Variants in IPO7 observed in about 807,000 individuals in gnomAD.
The protein encoded by IPO7 is importin 7.
IPO7 carries 13 observed loss-of-function variants against 136.4 expected under a neutral mutation model. The ratio of observed to expected loss-of-function variants is 0.10; its 90% CI spans 0.06 to 0.15. The LOEUF (loss-of-function observed/expected upper bound fraction) is 0.15. Ranked by LOEUF, IPO7 falls within the 10% of genes least tolerant of loss-of-function variation. The pLI, the probability that IPO7 is intolerant of heterozygous loss-of-function variation, is 1.00. For missense variants in IPO7, 857 were observed against 1,240.6 expected (o/e 0.69, Z 4.65); for synonymous variants, 403 against 404.4 (o/e 1.00, Z 0.04).
At chr11:9,425,672 G>A (rs1855194054) in intron 12 of IPO7, among the ~76,000 whole-genome samples, 1 of 151,906 alleles carries the variant, frequency 6.6e-6, no homozygotes, top group South Asian at 2.1e-4. Context: ...TCAGGAGATC[G>A]AGACCATCCT....
intron 1 of IPO7, among the ~76,000 whole-genome samples, chr11:9,401,502 C>G (rs1854795263): frequency 1.3e-5 from 2 of 150,988 alleles, no homozygotes; most frequent in Non-Finnish European, 2.9e-5. Flanking sequence ...TAGGACCAGC[C>G]TGGGCAACAT....
intron 6 of IPO7, among the ~76,000 whole-genome samples, chr11:9,418,499 A>G (rs993131089): frequency 1.2e-4 from 19 of 152,218 alleles, no homozygotes; most frequent in Non-Finnish European, 1.9e-4. Flanking sequence ...TGTTAATCGC[A>G]TAAGTGAGAC....
intron 1 of IPO7, among the ~76,000 whole-genome samples, chr11:9,387,686 C>T (rs1854570524): frequency 6.6e-6 from 1 of 151,770 alleles, no homozygotes; most frequent in South Asian, 2.1e-4. Flanking sequence ...ACAAAATTAG[C>T]TGGGCGCGGT....
chr11:9,422,417 T>G (rs1855146572), intron 8 of IPO7, among the ~76,000 whole-genome samples: 2 of 152,044 alleles, frequency 1.3e-5, no homozygotes, highest in African/African-American at 4.8e-5. Context: ...TGTTTTTTTT[T>G]TTAAAAAAAG....
intron 22 of IPO7, among the ~76,000 whole-genome samples, chr11:9,439,262 C>T (rs1174153943): frequency 4.6e-5 from 7 of 151,838 alleles, no homozygotes; most frequent in African/African-American, 1.7e-4. Context: ...ATTATAGGCA[C>T]GTGCCACCAT....
At chr11:9,413,679 C>T (rs999916055) in intron 4 of IPO7, among the ~76,000 whole-genome samples, 1 of 151,466 alleles carries the variant, frequency 6.6e-6, no homozygotes, top group African/African-American at 2.4e-5. Flanking sequence ...AGATTTTTGA[C>T]CTCATAATAC....
intron 1 of IPO7, among the ~76,000 whole-genome samples, chr11:9,398,236 C>T (rs145897416): frequency 1.3e-5 from 2 of 152,280 alleles, no homozygotes; most frequent in Non-Finnish European, 2.9e-5. Flanking sequence ...TTAAATGCCA[C>T]GTGTCATATG....
intron 1 of IPO7, among the ~76,000 whole-genome samples, chr11:9,392,946 C>CAAAAAA (rs34911529): frequency 1.0e-5 from 1 of 100,278 alleles, no homozygotes; most frequent in African/African-American, 3.5e-5. Flanking sequence ...GACTCTGTCT[C>CAAAAAA]AAAAAAAAAA....
At chr11:9,395,001 C>T (rs1235348176) in intron 1 of IPO7, among the ~76,000 whole-genome samples, 2 of 152,106 alleles carry the variant, frequency 1.3e-5, no homozygotes, top group African/African-American at 4.8e-5. Context: ...TTTGGTGCTT[C>T]AGTTCTATGC....
intron 22 of IPO7, among the ~76,000 whole-genome samples, chr11:9,438,630 A>T (rs565295902): frequency 2.0e-4 from 30 of 150,982 alleles, no homozygotes; most frequent in South Asian, 8.4e-4. Flanking sequence ...ATCTCAGATT[A>T]AAAAAAAATA....
At position 9,440,464 on chromosome 11, in the gene IPO7, G is replaced by C; in HGVS notation, c.2705G>C (p.Gly902Ala). The change falls in exon 23 of 25, where the codon GGG becomes GCG. Residue 902 changes from glycine to alanine, a missense_variant. Around this residue, in one of 11 missense-constraint regions of IPO7, gnomAD observed 119 missense variants for 155.5 expected, o/e 0.77. Coordinates refer to ENST00000379719, the MANE Select transcript of IPO7 (RefSeq NM_006391.3). ...TATTATGACTTGGCAGAGGAACTGGGGAGTGATGAAGATGATATTGATGAA... is the reference window on the plus strand; with the variant it reads ...TATTATGACTTGGCAGAGGAACTGGCGAGTGATGAAGATGATATTGATGAA... ...AEDDDETEEL[G>A]SDEDDIDEDG... is the part of the protein sequence containing the mutation. The C allele has an allele frequency of 6.2e-7, 1 of 1,612,944 alleles. No homozygotes were observed. The highest frequency in any genetic ancestry group is 8.5e-7 in the Non-Finnish European group (1 of 1,179,014).
intron 16 of IPO7, among the ~76,000 whole-genome samples, chr11:9,432,884 C>T (rs189029642): frequency 8.7e-4 from 132 of 151,960 alleles, no homozygotes; most frequent in African/African-American, 3.1e-3. Context: ...GCAATAATGC[C>T]TTCCTTCGGA....
At chr11:9,427,415 C>A (rs1261544809) in intron 12 of IPO7, among the ~76,000 whole-genome samples, 1 of 151,974 alleles carries the variant, frequency 6.6e-6, no homozygotes, top group Non-Finnish European at 1.5e-5. Flanking sequence ...CACCTGCCAC[C>A]ACACCAGCTA....
intron 9 of IPO7, among the ~76,000 whole-genome samples, chr11:9,423,560 G>A (rs1419853494): frequency 2.6e-5 from 4 of 152,176 alleles, no homozygotes; most frequent in Admixed American, 6.5e-5. Flanking sequence ...ACTTAATTGC[G>A]ACCTTTGTAC....
intron 1 of IPO7, among the ~76,000 whole-genome samples, chr11:9,400,741 G>A: frequency 6.6e-6 from 1 of 151,786 alleles, no homozygotes; most frequent in Non-Finnish European, 1.5e-5. Context: ...AGTAATTTTT[G>A]GAGTGATTGA....
At chr11:9,438,059 T>TTTG in intron 21 of IPO7, 21 bp from the exon 22 acceptor site, 1 of 504,638 alleles carries the variant, frequency 2.0e-6, no homozygotes, top group Non-Finnish European at 2.8e-6. Flanking sequence ...TTTTTTTTTT[T>TTTG]TTTTTTTTTT....
chr11:9,414,486 T>A (rs992102648), intron 5 of IPO7, 75 bp downstream of exon 5: 66 of 975,492 alleles, frequency 6.8e-5, no homozygotes, highest in Non-Finnish European at 9.1e-5. Flanking sequence ...AACAAAGAAT[T>A]TCAGCATTTG....
chr11:9,414,913 C>T (rs1050864193), intron 5 of IPO7, among the ~76,000 whole-genome samples: 1 of 151,872 alleles, frequency 6.6e-6, no homozygotes. Flanking sequence ...TACGAGCCAC[C>T]GTGCTTGGCC....
intron 2 of IPO7, among the ~76,000 whole-genome samples, chr11:9,405,171 T>G (rs140612990): frequency 0.014 from 2,112 of 151,876 alleles, 42 homozygotes; most frequent in African/African-American, 0.048. Flanking sequence ...TAGCTCCATC[T>G]TTTTTTTGTT....
Sources: gnomAD v4.1 joint callset for allele counts (sites outside exome capture counted in the v4.1 genomes callset) on GRCh38, gnomAD v4.1.1 for gene constraint, gnomAD v4.1.1 regional missense constraint, MANE v1.5 for transcripts, NCBI Gene and HGNC (gene_info 2026-07-23, HGNC 2026-07-21) for gene names.